SSBP3: variants seen among roughly 807,000 people sequenced by gnomAD.
The protein encoded by SSBP3 is single stranded DNA binding protein 3.
SSBP3 carries 5 observed loss-of-function variants against 69.6 expected under a neutral mutation model. The ratio of observed to expected loss-of-function variants is 0.07; its 90% confidence interval spans 0.04 to 0.15. The LOEUF is 0.15. Ranked by LOEUF, SSBP3 falls within the 10% of genes least tolerant of loss-of-function variation. The pLI, the probability that SSBP3 is intolerant of heterozygous loss-of-function variation, is 1.00. For synonymous variants in SSBP3, 196 were observed against 193.4 expected (o/e 1.01, Z -0.11); for missense variants, 312 against 534.0 (o/e 0.58, Z 4.10).
intron 7 of SSBP3, among the ~76,000 whole-genome samples, chr1:54,252,331 C>T (rs1300273502): frequency 6.6e-6 from 1 of 152,226 alleles, no homozygotes; most frequent in African/African-American, 2.4e-5. Context: ...CACCCACTAC[C>T]TAAAATCCTA....
chr1:54,232,775 G>A (rs575415819), intron 14 of SSBP3, among the ~76,000 whole-genome samples: 2 of 152,222 alleles, frequency 1.3e-5, no homozygotes, highest in Admixed American at 6.5e-5. Flanking sequence ...GTGGAGACGG[G>A]GTTTCGCTGT....
chr1:54,292,531 G>A (rs1223593847), intron 4 of SSBP3, among the ~76,000 whole-genome samples: 1 of 152,110 alleles, frequency 6.6e-6, no homozygotes. Context: ...ACACTCCTGT[G>A]TTGTGAGCGA....
intron 4 of SSBP3, among the ~76,000 whole-genome samples, chr1:54,380,140 G>A (rs1397877893): frequency 6.6e-6 from 1 of 152,182 alleles, no homozygotes; most frequent in African/African-American, 2.4e-5. Context: ...TGGGCTGGGC[G>A]CCCAAGTTGG....
intron 4 of SSBP3, among the ~76,000 whole-genome samples, chr1:54,395,081 T>C (rs1648771214): frequency 6.6e-6 from 1 of 151,826 alleles, no homozygotes; most frequent in Non-Finnish European, 1.5e-5. Context: ...GGGATTCCCT[T>C]ATACAATAAA....
chr1:54,332,816 G>A (rs535586371), intron 4 of SSBP3, among the ~76,000 whole-genome samples: 8 of 152,324 alleles, frequency 5.3e-5, no homozygotes, highest in African/African-American at 1.7e-4. Flanking sequence ...GGCGTCAAGC[G>A]CATCAGAGAG....
At chr1:54,342,154 C>T (rs1404638616) in intron 4 of SSBP3, among the ~76,000 whole-genome samples, 4 of 152,238 alleles carry the variant, frequency 2.6e-5, no homozygotes, top group Admixed American at 2.0e-4. Context: ...AGGAAAGCAG[C>T]GCAGCCCAGG....
intron 4 of SSBP3, among the ~76,000 whole-genome samples, chr1:54,327,217 A>AAAGGAAGG (rs55892071): frequency 0.17 from 22,447 of 133,778 alleles, 2,096 homozygotes; most frequent in African/African-American, 0.2. Flanking sequence ...AAGAGAGGGA[A>AAAGGAAGG]AAGGAAGGAA....
chr1:54,384,410 G>A (rs1052955919), intron 4 of SSBP3, among the ~76,000 whole-genome samples: 1 of 152,188 alleles, frequency 6.6e-6, no homozygotes, highest in African/African-American at 2.4e-5. Context: ...CTGGGAGGTG[G>A]GCAGCCTCCT....
At chr1:54,302,051 G>C (rs942856889) in intron 4 of SSBP3, among the ~76,000 whole-genome samples, 1 of 152,222 alleles carries the variant, frequency 6.6e-6, no homozygotes, top group African/African-American at 2.4e-5. Context: ...GGCTGGGTGG[G>C]GGTGGGGGGG....
At chr1:54,396,583 C>T (rs565966496) in intron 4 of SSBP3, among the ~76,000 whole-genome samples, 6 of 152,300 alleles carry the variant, frequency 3.9e-5, no homozygotes, top group African/African-American at 1.4e-4. Flanking sequence ...ACTCGAGACC[C>T]TGCCTCCCTC....
chr1:54,360,598 T>TC (rs905316071), intron 4 of SSBP3, among the ~76,000 whole-genome samples: 20 of 152,080 alleles, frequency 1.3e-4, no homozygotes, highest in Non-Finnish European at 2.9e-5. Context: ...CCCAAGTGTT[T>TC]CCACCAAAGA....
chr1:54,373,965 C>T (rs925061194), intron 4 of SSBP3, among the ~76,000 whole-genome samples: 11 of 152,034 alleles, frequency 7.2e-5, no homozygotes, highest in African/African-American at 2.7e-4. Flanking sequence ...AAGTTCATCC[C>T]GTTATCCCCA....
At chr1:54,245,879 G>A (rs1000091572) in intron 9 of SSBP3, among the ~76,000 whole-genome samples, 1 of 152,240 alleles carries the variant, frequency 6.6e-6, no homozygotes, top group Non-Finnish European at 1.5e-5. Flanking sequence ...CTTATTCCAT[G>A]CCCACATGTA....
chr1:54,272,158 G>A (rs1039954718), intron 5 of SSBP3, among the ~76,000 whole-genome samples: 2 of 152,218 alleles, frequency 1.3e-5, no homozygotes, highest in Admixed American at 6.5e-5. Context: ...CTCTTTGGGA[G>A]AGGAAGTGTT....
At chr1:54,309,960 A>T (rs1361928655) in intron 4 of SSBP3, among the ~76,000 whole-genome samples, 1 of 151,984 alleles carries the variant, frequency 6.6e-6, no homozygotes, top group Non-Finnish European at 1.5e-5. Flanking sequence ...GGGAGCACAA[A>T]TCTCAAAACA....
intron 4 of SSBP3, among the ~76,000 whole-genome samples, chr1:54,283,272 TAAAA>T (rs60875737): frequency 0.023 from 2,852 of 126,536 alleles, 68 homozygotes; most frequent in African/African-American, 0.069. Flanking sequence ...CCCCATCTCA[TAAAA>T]AAAAAAAAAA....
At chr1:54,282,886 A>T (rs983476729) in intron 4 of SSBP3, among the ~76,000 whole-genome samples, 5 of 152,206 alleles carry the variant, frequency 3.3e-5, no homozygotes, top group African/African-American at 1.2e-4. Flanking sequence ...TGGGGTCAGG[A>T]AACAGAACGC....
chr1:54,359,389 G>A (rs1646918188), intron 4 of SSBP3, among the ~76,000 whole-genome samples: 1 of 152,132 alleles, frequency 6.6e-6, no homozygotes, highest in Admixed American at 6.5e-5. Flanking sequence ...GGGCCAGGGA[G>A]ACTCTCATAG....
chr1:54,285,026 C>A (rs1645462959), intron 4 of SSBP3, among the ~76,000 whole-genome samples: 1 of 152,118 alleles, frequency 6.6e-6, no homozygotes, highest in Admixed American at 6.5e-5. Context: ...GGACAAAAAA[C>A]CAAGACCATG....
Sources: gnomAD v4.1 joint callset for allele counts (sites outside exome capture counted in the v4.1 genomes callset) on GRCh38, gnomAD v4.1.1 for gene constraint, MANE v1.5 for transcripts, NCBI Gene and HGNC (gene_info 2026-07-23, HGNC 2026-07-21) for gene names.